The following PSAP variants were observed in gnomAD, a reference collection of about 807,000 sequenced individuals.
PSAP encodes prosaposin.
Under a neutral mutation model 66.0 loss-of-function variants are expected in PSAP, and 25 were observed. The ratio of observed to expected loss-of-function variants is 0.38; its 90% CI spans 0.28 to 0.53. The LOEUF is 0.53. Among genes scored for constraint, PSAP ranks in the 20% least tolerant of loss-of-function variants. The probability of loss-of-function intolerance (pLI) is 0.83; values close to 1 mark genes in which losing one functional copy is unlikely to be tolerated. For missense variants in PSAP, 649 were observed against 668.8 expected, an observed-to-expected ratio of 0.97 and a Z score of 0.33; for synonymous variants, 273 against 258.9, an observed-to-expected ratio of 1.05 and a Z score of -0.52.
intron 1 of PSAP, among the ~76,000 whole-genome samples, chr10:71,837,427 A>G (rs1196514313): frequency 6.6e-6 from 1 of 152,252 alleles, no homozygotes; most frequent in Non-Finnish European, 1.5e-5. Context: ...GGGGACATGG[A>G]TCCCTTTCCC....
intron 7 of PSAP, among the ~76,000 whole-genome samples, chr10:71,824,647 G>T (rs1842365807): frequency 6.6e-6 from 1 of 152,204 alleles, no homozygotes; most frequent in African/African-American, 2.4e-5. Flanking sequence ...ATTTGTACAA[G>T]AATATTCAAT....
intron 6 of PSAP, among the ~76,000 whole-genome samples, chr10:71,827,652 A>G (rs1185060980): frequency 6.8e-6 from 1 of 147,642 alleles, no homozygotes; most frequent in Non-Finnish European, 1.5e-5. Context: ...CCTGGAACCC[A>G]TGAGGTAGAG....
chr10:71,818,668 T>G lies in PSAP; in HGVS notation c.1488A>C (p.Ile496=). 2 of 1,614,118 alleles carry G rather than the reference T, an allele frequency of 1.2e-6. No individual in the cohort carries two copies. Among genetic ancestry groups the G allele is most frequent in the Non-Finnish European group, 1.7e-6 (2 of 1,180,026 alleles). ...TCTGGCACCAGTAGCTTGGGCCCCA[T>G]ATACACTTCTCAGTTCCCAACAAGG... ...HKPLLGTEKC[I]WGPSYWCQNT... Residue 496 remains isoleucine (I), a synonymous_variant, in exon 13 of 14, where the codon ATA becomes ATC. Transcript: ENST00000394936.
rs554936496 is a variant in PSAP, at chr10:71,817,353, C to T, written c.*88G>A. ...GGGAGCCCTATTTTTATAACAAAGT[C>T]AAACAGATCTGTGCGTTCATTCCCC... is the stretch of plus-strand genomic sequence containing the variant. On this transcript the variant is annotated 3_prime_UTR_variant, in exon 14 of 14. Coordinates refer to ENST00000394936, the MANE Select transcript of PSAP (RefSeq NM_002778.4). 91 of 1,412,442 alleles carry T rather than the reference C, an allele frequency of 6.4e-5. 1 individual carries two copies. The African/African-American group carries it at 1.2e-3, about 19-fold the overall frequency. 87.5% of individuals were successfully genotyped at this position (1,412,442 alleles called of 1,614,324 possible). A position where few individuals can be genotyped will look rare whatever the true frequency, so the allele number is the denominator to read the frequency against.
At chr10:71,846,409 ATT>A (rs1457171416) in intron 1 of PSAP, among the ~76,000 whole-genome samples, 1 of 144,664 alleles carries the variant, frequency 6.9e-6, no homozygotes, top group Non-Finnish European at 1.5e-5. Flanking sequence ...ATTTATCATC[ATT>A]GTTTTAAAGC....
intron 1 of PSAP, among the ~76,000 whole-genome samples, chr10:71,839,448 C>T (rs930460520): frequency 6.6e-6 from 1 of 151,828 alleles, no homozygotes; most frequent in African/African-American, 2.4e-5. Context: ...CCGTGTTGGC[C>T]AGGCTGGTTT....
intron 3 of PSAP, 119 bp from the exon 4 acceptor site, chr10:71,831,370 C>T: frequency 7.3e-7 from 1 of 1,366,578 alleles, no homozygotes; most frequent in East Asian, 2.5e-5. Flanking sequence ...ACAGCCAGCC[C>T]TCAGGGAAAA....
chr10:71,827,135 G>A (rs1000104926), intron 6 of PSAP, among the ~76,000 whole-genome samples: 3 of 152,160 alleles, frequency 2.0e-5, no homozygotes, highest in Non-Finnish European at 2.9e-5. Context: ...GGTGGCTCAC[G>A]CCTGTAATCC....
chr10:71,843,480 G>A (rs1842766516), intron 1 of PSAP, among the ~76,000 whole-genome samples: 1 of 152,202 alleles, frequency 6.6e-6, no homozygotes. Context: ...CATAAGTAAC[G>A]TGACAAATAC....
Position 71,851,202 on chromosome 10 carries a change from A to G in PSAP, c.20T>C (p.Leu7Pro). 2 of 1,551,132 alleles carry G rather than the reference A, an allele frequency of 1.3e-6. No homozygotes were observed. The highest frequency in any genetic ancestry group is 1.7e-6 in the Non-Finnish European group (2 of 1,146,856). MYALFL[L>P]ASLLGAALAG... ...CTTACCCGCGCCCAGGAGGCTGGCC[A>G]GGAGGAAGAGGGCGTACATAGCGCC... is the stretch of plus-strand genomic sequence containing the variant. The change falls in exon 1 of 14, where the codon CTG (leucine) becomes CCG (proline). Residue 7 changes from leucine to proline, a missense_variant. Leu to Pro is a moderately conservative substitution (Grantham distance 98). Transcript: ENST00000394936.
chr10:71,832,286 C>T (rs1407776978), intron 2 of PSAP, among the ~76,000 whole-genome samples: 2 of 152,102 alleles, frequency 1.3e-5, no homozygotes, highest in Non-Finnish European at 2.9e-5. Context: ...GACAGAGAAA[C>T]AAACGCCCCA....
chr10:71,833,016 C>CTAAAAAA (rs1842548759), intron 2 of PSAP, among the ~76,000 whole-genome samples: 1 of 50,708 alleles, frequency 2.0e-5, no homozygotes. Flanking sequence ...GAGTCCATCT[C>CTAAAAAA]AAAAAAAAAA....
At chr10:71,818,942 C>T (rs1236245170) in intron 12 of PSAP, 89 bp downstream of exon 12, 10 of 1,268,202 alleles carry the variant, frequency 7.9e-6, no homozygotes, top group South Asian at 1.2e-5. Context: ...CTCCACCCCA[C>T]GGCCAAGTCT....
At chr10:71,833,316 AGGCATACTGGTCCACATCT>A (rs1445570265) in intron 2 of PSAP, among the ~76,000 whole-genome samples, 6 of 152,134 alleles carry the variant, frequency 3.9e-5, no homozygotes, top group Admixed American at 2.0e-4. Context: ...AAAATTAGCC[AGGCATACTGGTCCACATCT>A]GTGGTTCCAG....
chr10:71,830,333 C>A (rs980917207), intron 4 of PSAP, among the ~76,000 whole-genome samples: 1 of 152,238 alleles, frequency 6.6e-6, no homozygotes, highest in East Asian at 1.9e-4. Flanking sequence ...AAAAGAGAAT[C>A]TGCATCTGCC....
intron 2 of PSAP, among the ~76,000 whole-genome samples, chr10:71,833,535 C>T (rs1297535225): frequency 6.6e-6 from 1 of 152,216 alleles, no homozygotes; most frequent in Non-Finnish European, 1.5e-5. Flanking sequence ...AAGAATGGTG[C>T]TAAGCTTTCT....
chr10:71,826,793 C>G (rs1034429549), intron 6 of PSAP, among the ~76,000 whole-genome samples: 1 of 151,826 alleles, frequency 6.6e-6, no homozygotes, highest in Admixed American at 6.6e-5. Context: ...GGCCACTCCA[C>G]CCAAAAAGCC....
intron 1 of PSAP, among the ~76,000 whole-genome samples, chr10:71,847,838 C>T (rs766745876): frequency 6.6e-6 from 1 of 152,168 alleles, no homozygotes; most frequent in Non-Finnish European, 1.5e-5. Context: ...GAAGTTCCTA[C>T]TGATATTCAG....
chr10:71,828,755 T>G, intron 5 of PSAP, 122 bp downstream of exon 5: 1 of 1,038,670 alleles, frequency 9.6e-7, no homozygotes, highest in East Asian at 2.6e-5. Context: ...CTCATGTGAC[T>G]GCAGAGTCAC....
Sources: gnomAD v4.1 joint callset for allele counts (sites outside exome capture counted in the v4.1 genomes callset) on GRCh38, gnomAD v4.1.1 for gene constraint, MANE v1.5 for transcripts, NCBI Gene and HGNC (gene_info 2026-07-23, HGNC 2026-07-21) for gene names.